LAMA3: variants seen among roughly 807,000 people sequenced by gnomAD.
LAMA3 encodes laminin subunit alpha 3.
A neutral mutation model predicts 402.0 loss-of-function variants in LAMA3; 281 were observed. That is an observed-to-expected ratio of 0.70 (90% CI 0.63 to 0.77). The LOEUF (loss-of-function observed/expected upper bound fraction) is 0.77. LAMA3 is among the 30% of genes least tolerant of loss of function. LAMA3 has a pLI of 0.00. For synonymous variants in LAMA3, 1,431 were observed against 1,558.4 expected (o/e 0.92, Z 1.93); for missense variants, 3,840 against 4,215.5 (o/e 0.91, Z 2.47).
intron 8 of LAMA3, among the ~76,000 whole-genome samples, chr18:23,767,909 T>C (rs2062111583): frequency 6.6e-6 from 1 of 152,110 alleles, no homozygotes; most frequent in South Asian, 2.1e-4. Context: ...GGTGCTAAGA[T>C]AGTTGTCTCT....
intron 2 of LAMA3, among the ~76,000 whole-genome samples, chr18:23,716,909 G>A (rs1392707647): frequency 6.6e-6 from 1 of 152,154 alleles, no homozygotes; most frequent in East Asian, 1.9e-4. Flanking sequence ...AGATTATTAT[G>A]AGTTCTAAAT....
chr18:23,772,629 A>C (rs12960583), intron 8 of LAMA3, among the ~76,000 whole-genome samples: 72,942 of 152,174 alleles, frequency 0.48, 19,312 homozygotes, highest in Non-Finnish European at 0.61. Context: ...TAATAAAGAA[A>C]AGTCTGTAGT....
chr18:23,845,504 C>T (rs2063795117), intron 30 of LAMA3, among the ~76,000 whole-genome samples: 1 of 152,202 alleles, frequency 6.6e-6, no homozygotes, highest in South Asian at 2.1e-4. Context: ...TCCCACTCTC[C>T]TCCGCCATCT....
chr18:23,746,953 T>C (rs1849266722), intron 2 of LAMA3, among the ~76,000 whole-genome samples: 1 of 151,556 alleles, frequency 6.6e-6, no homozygotes, highest in Non-Finnish European at 1.5e-5. Context: ...TTTTTTTTTC[T>C]GGGAAAGAAA....
At chr18:23,802,043 G>A (rs1568199121) in intron 12 of LAMA3, among the ~76,000 whole-genome samples, 9 of 152,190 alleles carry the variant, frequency 5.9e-5, no homozygotes, top group Admixed American at 3.3e-4. Context: ...CATGGTCATA[G>A]CTGGTATAAG....
intron 32 of LAMA3, among the ~76,000 whole-genome samples, chr18:23,852,318 T>A (rs759237887): frequency 1.3e-5 from 2 of 152,286 alleles, no homozygotes; most frequent in Non-Finnish European, 2.9e-5. Flanking sequence ...TATTAGTCTG[T>A]GAACTTGAGA....
At chr18:23,902,568 A>G (rs2081108300) in intron 48 of LAMA3, among the ~76,000 whole-genome samples, 2 of 152,206 alleles carry the variant, frequency 1.3e-5, no homozygotes, top group Admixed American at 1.3e-4. Flanking sequence ...ACCCAACTTT[A>G]TAGGCCTCTG....
intron 12 of LAMA3, among the ~76,000 whole-genome samples, chr18:23,802,478 C>T (rs1436628812): frequency 6.6e-6 from 1 of 152,212 alleles, no homozygotes; most frequent in Non-Finnish European, 1.5e-5. Context: ...CTTAAGTCAT[C>T]TCCTGTATTC....
intron 39 of LAMA3, 21 bp from the exon 40 acceptor site, chr18:23,881,915 G>A (rs534287886): frequency 1.3e-6 from 2 of 1,515,560 alleles, no homozygotes; most frequent in Non-Finnish European, 1.8e-6. Flanking sequence ...GCTGTGAATT[G>A]TGCTGTTCAC....
intron 64 of LAMA3, among the ~76,000 whole-genome samples, chr18:23,929,419 T>C (rs537148242): frequency 1.3e-5 from 2 of 152,366 alleles, no homozygotes; most frequent in Admixed American, 1.3e-4. Context: ...GTATGATTAT[T>C]TCTGAATTTG....
intron 7 of LAMA3, among the ~76,000 whole-genome samples, chr18:23,763,031 A>G (rs2062002770): frequency 6.6e-6 from 1 of 151,912 alleles, no homozygotes; most frequent in South Asian, 2.1e-4. Flanking sequence ...TAATTTTTGT[A>G]TTTTTAGTAG....
intron 12 of LAMA3, among the ~76,000 whole-genome samples, chr18:23,791,602 T>C (rs931706873): frequency 6.6e-6 from 1 of 151,754 alleles, no homozygotes; most frequent in South Asian, 2.1e-4. Flanking sequence ...GGCATCGTGG[T>C]GCATGCCTGT....
chr18:23,787,439 C>A (rs928497178), intron 12 of LAMA3, among the ~76,000 whole-genome samples: 1 of 151,992 alleles, frequency 6.6e-6, no homozygotes. Flanking sequence ...TAATGAAAAG[C>A]CATCTATACA....
intron 27 of LAMA3, among the ~76,000 whole-genome samples, chr18:23,841,785 G>C (rs2063707525): frequency 6.6e-6 from 1 of 152,132 alleles, no homozygotes; most frequent in Non-Finnish European, 1.5e-5. Flanking sequence ...ACCCAGGCAT[G>C]ATGGCACGTA....
intron 20 of LAMA3, 64 bp downstream of exon 20, chr18:23,822,439 C>G: frequency 6.5e-7 from 1 of 1,537,264 alleles, no homozygotes; most frequent in Middle Eastern, 1.7e-4. Flanking sequence ...GAAACACTTT[C>G]TCTGATTTTC....
At chr18:23,942,608 C>T (rs905427797) in intron 68 of LAMA3, among the ~76,000 whole-genome samples, 11 of 149,080 alleles carry the variant, frequency 7.4e-5, no homozygotes, top group East Asian at 2.0e-4. Context: ...TAGACAGAGC[C>T]GCTGTGTCAC....
chr18:23,884,324 A>G (rs2144946558), intron 40 of LAMA3, among the ~76,000 whole-genome samples: 1 of 152,262 alleles, frequency 6.6e-6, no homozygotes, highest in Middle Eastern at 3.4e-3. Context: ...CCTCCCCACC[A>G]ACTTTTCTTC....
At chr18:23,878,496 T>G (rs2064794495) in intron 39 of LAMA3, among the ~76,000 whole-genome samples, 1 of 152,104 alleles carries the variant, frequency 6.6e-6, no homozygotes, top group South Asian at 2.1e-4. Context: ...GTACACACAC[T>G]CACACACACA....
At chr18:23,816,358 G>A (rs1373097658) in intron 17 of LAMA3, 30 bp from the exon 18 acceptor site, 1 of 1,580,934 alleles carries the variant, frequency 6.3e-7, no homozygotes, top group Non-Finnish European at 8.7e-7. Context: ...ATGGTTTAAG[G>A]TATAACTGCT....
Sources: allele counts gnomAD v4.1 joint callset (sites outside exome capture counted in the v4.1 genomes callset), GRCh38; gene constraint gnomAD v4.1.1; transcripts MANE v1.5; gene names NCBI Gene and HGNC (gene_info 2026-07-23, HGNC 2026-07-21).